The following TAF4 variants were observed in gnomAD, a reference collection of about 807,000 sequenced individuals.
TAF4 encodes TATA-box binding protein associated factor 4.
Under a neutral mutation model 90.3 loss-of-function variants are expected in TAF4, and 9 were observed. The ratio of observed to expected loss-of-function variants is 0.10; its 90% CI spans 0.06 to 0.17. TAF4 has a LOEUF of 0.17. TAF4 is among the 10% of genes least tolerant of loss of function. The probability of loss-of-function intolerance (pLI) is 1.00; values close to 1 mark genes in which losing one functional copy is unlikely to be tolerated. For synonymous variants in TAF4, 818 were observed against 638.9 expected (o/e 1.28, Z -4.23); for missense variants, 1,351 against 1,370.7 (o/e 0.99, Z 0.23).
chr20:62,063,797 G>A lies in TAF4; in HGVS notation c.1360+654C>T, dbSNP rs1336897169. On this transcript the variant is annotated intron_variant, in intron 1 of 14. Coordinates refer to ENST00000252996, the MANE Select transcript of TAF4 (RefSeq NM_003185.4). ...TACTCCACAGCGTGGCTCTCAGCAA[G>A]GCTGCGCGCCGGGAGGACTCTCGCA... Among the ~76,000 whole-genome samples, 3 of 152,368 alleles carry A rather than the reference G, an allele frequency of 2.0e-5. 1 individual carries two copies. The highest frequency in any genetic ancestry group is 7.2e-5 in the African/African-American group (3 of 41,592).
chr20:62,043,610 C>T (rs551431536), intron 1 of TAF4, among the ~76,000 whole-genome samples: 1 of 152,272 alleles, frequency 6.6e-6, no homozygotes, highest in South Asian at 2.1e-4. Flanking sequence ...GTGCCCTACA[C>T]AGATGCACCA....
chr20:62,019,261 C>T (rs1019179693), intron 1 of TAF4, among the ~76,000 whole-genome samples: 3 of 152,202 alleles, frequency 2.0e-5, no homozygotes, highest in Admixed American at 6.5e-5. Context: ...CAGTGTGCAC[C>T]GTGCACTTGG....
intron 14 of TAF4, among the ~76,000 whole-genome samples, chr20:61,987,906 C>T (rs1290991519): frequency 6.6e-6 from 1 of 152,124 alleles, no homozygotes; most frequent in Non-Finnish European, 1.5e-5. Flanking sequence ...AGAAATGAGC[C>T]ATCAAGCCAT....
chr20:62,040,579 G>A (rs1014571144), intron 1 of TAF4, among the ~76,000 whole-genome samples: 2 of 152,234 alleles, frequency 1.3e-5, no homozygotes, highest in Admixed American at 1.3e-4. Context: ...GGCTGAGAAA[G>A]GTGCGCTCTG....
chr20:62,027,015 T>C (rs562669950), intron 1 of TAF4, among the ~76,000 whole-genome samples: 65 of 152,346 alleles, frequency 4.3e-4, no homozygotes, highest in African/African-American at 1.5e-3. Context: ...ATGCTTACCC[T>C]CGTGCCTGTG....
intron 14 of TAF4, among the ~76,000 whole-genome samples, 190 bp downstream of exon 14, chr20:61,997,360 G>A (rs960505807): frequency 6.6e-6 from 1 of 152,212 alleles, no homozygotes; most frequent in Admixed American, 6.5e-5. Flanking sequence ...TTCAGCTCAA[G>A]TGATAGCCAC....
intron 1 of TAF4, 93 bp from the exon 2 acceptor site, chr20:62,014,800 G>A (rs1230896824): frequency 2.6e-6 from 4 of 1,516,612 alleles, no homozygotes; most frequent in Non-Finnish European, 3.5e-6. Flanking sequence ...ACAGCTGTGA[G>A]AAGGAAACAA....
At chr20:62,014,399 G>T (rs28382046) in intron 2 of TAF4, 148 bp downstream of exon 2, 1 of 1,079,334 alleles carries the variant, frequency 9.3e-7, no homozygotes, top group African/African-American at 1.6e-5. Context: ...GCCCATCCTA[G>T]ATGGGACGGA....
intron 8 of TAF4, 36 bp downstream of exon 8, chr20:62,003,695 T>C (rs746868946): frequency 2.6e-6 from 4 of 1,543,218 alleles, no homozygotes; most frequent in South Asian, 1.2e-5. Context: ...GAGCAGCCCT[T>C]GGTGTTGAGC....
Position 62,065,777 on chromosome 20 carries a change from A to C in TAF4, c.34T>G (p.Phe12Val), listed in dbSNP as rs745459805. The C allele has an allele frequency of 3.0e-6, 4 of 1,339,182 alleles. No individual in the cohort carries two copies. Among genetic ancestry groups the C allele is most frequent in the South Asian group, 1.3e-5 (1 of 77,670 alleles). The allele number at this position is 1,339,182 out of a possible 1,614,324, so 83.0% of individuals were successfully genotyped here. The change falls in exon 1 of 15, where the codon TTC (phenylalanine) becomes GTC (valine). Residue 12 changes from phenylalanine to valine, a missense_variant. By Grantham distance (50) the Phe-to-Val change is conservative (BLOSUM62 -1). Coordinates refer to ENST00000252996, the MANE Select transcript of TAF4 (RefSeq NM_003185.4). Reference sequence around the variant, plus strand: ...TTCTCGTCCACCTCGCTGTTGAAGAAGACCTCGTCCAGCAGATCCGAGCCC... The same window carrying C: ...TTCTCGTCCACCTCGCTGTTGAAGACGACCTCGTCCAGCAGATCCGAGCCC... ...AAGSDLLDEV[F>V]FNSEVDEKVV...
chr20:62,017,681 C>G (rs115278812), intron 1 of TAF4, among the ~76,000 whole-genome samples: 1 of 151,622 alleles, frequency 6.6e-6, no homozygotes, highest in East Asian at 1.9e-4. Flanking sequence ...AAAATTGCAT[C>G]CAAAAAATTA....
chr20:62,059,879 TG>T, intron 1 of TAF4, among the ~76,000 whole-genome samples: 1 of 152,262 alleles, frequency 6.6e-6, no homozygotes, highest in East Asian at 1.9e-4. Flanking sequence ...AATTATGCTT[TG>T]ATCAACTCAC....
chr20:62,049,634 C>A (rs980325722), intron 1 of TAF4, among the ~76,000 whole-genome samples: 3 of 152,076 alleles, frequency 2.0e-5, no homozygotes, highest in African/African-American at 7.2e-5. Flanking sequence ...TCCCTGCCTG[C>A]CCCAGCCCCG....
intron 3 of TAF4, 35 bp downstream of exon 3, chr20:62,012,780 T>C (rs3818344): frequency 7.4e-5 from 117 of 1,586,130 alleles, no homozygotes; most frequent in Non-Finnish European, 9.7e-5. Context: ...TCGTGGCCCC[T>C]GCAGCCTCAA....
intron 9 of TAF4, among the ~76,000 whole-genome samples, chr20:62,002,535 C>T (rs28382093): frequency 2.2e-4 from 33 of 152,170 alleles, no homozygotes; most frequent in African/African-American, 7.2e-4. Context: ...CTGTCACCGA[C>T]GCTGGCGTAC....
rs186599420 is a variant in TAF4, at chr20:61,979,758, G to A, written c.3091-3423C>T. On this transcript the variant is annotated intron_variant, in intron 14 of 14. Coordinates refer to ENST00000252996, the MANE Select transcript of TAF4 (RefSeq NM_003185.4). ...GGCCACTCCAGAGGTACTGCGGCATGTGCAGGCGCCGTGGCCACTCCAGAG... is the reference window on the plus strand; with the variant it reads ...GGCCACTCCAGAGGTACTGCGGCATATGCAGGCGCCGTGGCCACTCCAGAG... Among the ~76,000 whole-genome samples, 696 of 147,998 alleles carry A rather than the reference G, an allele frequency of 4.7e-3. 16 individuals carry two copies. The highest frequency in any genetic ancestry group is 0.029 in the East Asian group (140 of 4,804).
At chr20:62,030,967 C>G (rs1030328605) in intron 1 of TAF4, among the ~76,000 whole-genome samples, 1 of 152,200 alleles carries the variant, frequency 6.6e-6, no homozygotes, top group Non-Finnish European at 1.5e-5. Flanking sequence ...CCTGAAATGC[C>G]TGAGTCTATT....
chr20:62,041,586 G>A (rs1194207474), intron 1 of TAF4, among the ~76,000 whole-genome samples: 5 of 151,780 alleles, frequency 3.3e-5, no homozygotes, highest in East Asian at 1.9e-4. Context: ...CCGAAATTGC[G>A]CCACTGCACT....
intron 1 of TAF4, among the ~76,000 whole-genome samples, chr20:62,035,209 T>C (rs1402253332): frequency 6.6e-6 from 1 of 151,818 alleles, no homozygotes; most frequent in Non-Finnish European, 1.5e-5. Flanking sequence ...CCCCGAAGAG[T>C]TGATTCTAAA....
Sources: gnomAD v4.1 joint callset for allele counts (sites outside exome capture counted in the v4.1 genomes callset) on GRCh38, gnomAD v4.1.1 for gene constraint, MANE v1.5 for transcripts, NCBI Gene and HGNC (gene_info 2026-07-23, HGNC 2026-07-21) for gene names.